Variants in CLUL1 observed in about 807,000 individuals in gnomAD.
CLUL1 encodes the protein clusterin like 1, also known as clusterin-like protein 1.
CLUL1 carries 43 observed loss-of-function variants against 49.4 expected under a neutral mutation model. The observed-to-expected ratio is 0.87, with a 90% CI of 0.68 to 1.12. The LOEUF is 1.12. CLUL1 is among the 50% of genes most tolerant of loss of function. The pLI is 0.00. For missense variants in CLUL1, 486 were observed against 544.4 expected (o/e 0.89, Z 1.07); for synonymous variants, 192 against 184.9 (o/e 1.04, Z -0.31).
intron 4 of CLUL1, among the ~76,000 whole-genome samples, chr18:620,577 T>G (rs1337097480): frequency 6.6e-6 from 1 of 152,242 alleles, no homozygotes; most frequent in East Asian, 1.9e-4. Context: ...CACATACAGT[T>G]GGGCACACAC....
At chr18:612,102 TA>T (rs2073152022) in intron 2 of CLUL1, among the ~76,000 whole-genome samples, 1 of 152,240 alleles carries the variant, frequency 6.6e-6, no homozygotes, top group African/African-American at 2.4e-5. Flanking sequence ...TCCTGGTGAT[TA>T]AAACAGCTTC....
intron 7 of CLUL1, among the ~76,000 whole-genome samples, chr18:638,183 A>G (rs1395179419): frequency 6.6e-6 from 1 of 152,198 alleles, no homozygotes; most frequent in East Asian, 1.9e-4. Flanking sequence ...TTTTTAAGTC[A>G]CAGTTGCAAG....
At chr18:630,215 T>C (rs2073951566) in intron 6 of CLUL1, among the ~76,000 whole-genome samples, 2 of 152,138 alleles carry the variant, frequency 1.3e-5, no homozygotes, top group South Asian at 4.1e-4. Context: ...TTTAAGTGAT[T>C]CTCCTGCCTC....
At chr18:636,545 T>C (rs1051883176) in intron 7 of CLUL1, among the ~76,000 whole-genome samples, 2 of 151,928 alleles carry the variant, frequency 1.3e-5, no homozygotes, top group African/African-American at 4.8e-5. Flanking sequence ...AAAAAATGAG[T>C]TTAATAGAGT....
At chr18:602,791 G>A (rs2072869460) in intron 1 of CLUL1, among the ~76,000 whole-genome samples, 1 of 152,148 alleles carries the variant, frequency 6.6e-6, no homozygotes, top group Admixed American at 6.5e-5. Flanking sequence ...AAACAAAGGG[G>A]AGAAAGACCT....
intron 7 of CLUL1, among the ~76,000 whole-genome samples, chr18:639,742 G>T (rs910702687): frequency 1.3e-5 from 2 of 151,988 alleles, no homozygotes; most frequent in Non-Finnish European, 2.9e-5. Context: ...TCCTGCCTGG[G>T]TAACAGAGTG....
At chr18:628,966 C>T (rs2073904557) in intron 6 of CLUL1, among the ~76,000 whole-genome samples, 1 of 152,054 alleles carries the variant, frequency 6.6e-6, no homozygotes, top group African/African-American at 2.4e-5. Flanking sequence ...CACTCCTGAC[C>T]CTATCTGACT....
At chr18:599,164 T>A (rs2072747075) in intron 1 of CLUL1, among the ~76,000 whole-genome samples, 1 of 152,238 alleles carries the variant, frequency 6.6e-6, no homozygotes, top group Non-Finnish European at 1.5e-5. Context: ...AGCAAAGTAA[T>A]ATAGTTACCA....
At chr18:643,931 C>G (rs2074405762) in intron 8 of CLUL1, among the ~76,000 whole-genome samples, 1 of 152,216 alleles carries the variant, frequency 6.6e-6, no homozygotes, top group South Asian at 2.1e-4. Flanking sequence ...AGCAGTATTT[C>G]TCTAGAATCA....
At chr18:623,004 G>A (rs994242154) in intron 4 of CLUL1, among the ~76,000 whole-genome samples, 1 of 151,534 alleles carries the variant, frequency 6.6e-6, no homozygotes, top group Non-Finnish European at 1.5e-5. Flanking sequence ...GAAAATCCTG[G>A]AGGTATTGTT....
intron 7 of CLUL1, 149 bp from the exon 8 acceptor site, chr18:641,178 T>C (rs1364204325): frequency 3.2e-6 from 2 of 621,744 alleles, no homozygotes; most frequent in East Asian, 5.5e-5. Context: ...ACGATATTAA[T>C]AATTACTCCA....
chr18:647,513 G>A (rs1456334), intron 9 of CLUL1, among the ~76,000 whole-genome samples: 35,092 of 152,110 alleles, frequency 0.23, 4,210 homozygotes, highest in East Asian at 0.43. Context: ...CCGATGGACA[G>A]CTGCTTCAGG....
At chr18:613,078 T>G (rs1012219641) in intron 2 of CLUL1, 2 of 355,950 alleles carry the variant, frequency 5.6e-6, no homozygotes, top group Admixed American at 9.5e-5. Flanking sequence ...ATGAAAGGAT[T>G]TGAAGTCTAG....
In CLUL1 at chr18:607,000, A is replaced by G; in HGVS notation, c.-113A>G. 1.5e-6 allele frequency: 1 copy of G among 655,340 alleles called. No homozygotes were observed. Among genetic ancestry groups the G allele is most frequent in the South Asian group, 1.7e-5 (1 of 60,380 alleles). 40.6% of individuals were successfully genotyped at this position (655,340 alleles called of 1,614,324 possible). ...TAGAGTTGCGTCCCTCTCGGTTGCCAGGCTGGAGTTCAGTGGCATGTTCAT... is the reference window on the plus strand; with the variant it reads ...TAGAGTTGCGTCCCTCTCGGTTGCCGGGCTGGAGTTCAGTGGCATGTTCAT... On this transcript the variant is annotated 5_prime_UTR_variant, in exon 2 of 10. Coordinates refer to ENST00000692774, the MANE Select transcript of CLUL1 (RefSeq NM_001393344.1). This position sits in a 1 kb window ranked among gnomAD's most constrained non-coding sequence, Gnocchi z 4.1.
chr18:603,606 T>TTG (rs1316960589), intron 1 of CLUL1, among the ~76,000 whole-genome samples: 1 of 152,180 alleles, frequency 6.6e-6, no homozygotes, highest in African/African-American at 2.4e-5. Flanking sequence ...TCAAGTGACA[T>TTG]TGCTACAACC....
chr18:603,820 T>G (rs1280946900), intron 1 of CLUL1, among the ~76,000 whole-genome samples: 1 of 152,230 alleles, frequency 6.6e-6, no homozygotes, highest in Admixed American at 6.5e-5. Context: ...AATCTGTTCA[T>G]CTCTATAATT....
intron 1 of CLUL1, among the ~76,000 whole-genome samples, chr18:600,706 AGTTT>A (rs969311108): frequency 1.1e-4 from 17 of 152,194 alleles, no homozygotes; most frequent in African/African-American, 3.9e-4. Flanking sequence ...CTGGCAGTGA[AGTTT>A]GTCTTAGGAC....
intron 2 of CLUL1, among the ~76,000 whole-genome samples, chr18:613,657 G>A (rs1202447436): frequency 1.3e-5 from 2 of 151,312 alleles, no homozygotes; most frequent in South Asian, 2.1e-4. Context: ...GTTTCACCAT[G>A]TTGACCAGGC....
chr18:640,327 T>A (rs1476930834), intron 7 of CLUL1, among the ~76,000 whole-genome samples: 1 of 152,040 alleles, frequency 6.6e-6, no homozygotes, highest in Non-Finnish European at 1.5e-5. Flanking sequence ...GAAATACCAC[T>A]TGAGCCCAGG....
Sources: allele counts gnomAD v4.1 joint callset (sites outside exome capture counted in the v4.1 genomes callset), GRCh38; gene constraint gnomAD v4.1.1; non-coding constraint Gnocchi (gnomAD v3.1); transcripts MANE v1.5; gene names NCBI Gene and HGNC (gene_info 2026-07-23, HGNC 2026-07-21).